The following JMJD1C variants were observed in gnomAD, a reference collection of about 807,000 sequenced individuals.
The protein encoded by JMJD1C is jumonji domain-containing protein 1C.
A neutral mutation model predicts 245.3 loss-of-function variants in JMJD1C; 31 were observed. That is an observed-to-expected ratio of 0.13 (90% CI 0.09 to 0.17). JMJD1C has a LOEUF of 0.17. Among genes scored for constraint, JMJD1C ranks in the 10% least tolerant of loss-of-function variants. The probability of loss-of-function intolerance (pLI) is 1.00; values close to 1 mark genes in which losing one functional copy is unlikely to be tolerated. For missense variants in JMJD1C, 2,691 were observed against 3,000.2 expected, an observed-to-expected ratio of 0.90 and a Z score of 2.41; for synonymous variants, 1,057 against 1,017.4, an observed-to-expected ratio of 1.04 and a Z score of -0.74.
chr10:63,402,118 G>A (rs1174644967), intron 1 of JMJD1C, among the ~76,000 whole-genome samples: 1 of 145,060 alleles, frequency 6.9e-6, no homozygotes. Flanking sequence ...TGGGCAACAA[G>A]AGCAAACTCC....
At chr10:63,468,653 A>G (rs374606657), upstream of JMJD1C, among the ~76,000 whole-genome samples, 8 of 152,304 alleles carry the variant, frequency 5.3e-5, no homozygotes, top group Admixed American at 5.2e-4. Flanking sequence ...TAGACATATA[A>G]ATTAGATTTT....
At chr10:63,500,137 T>C (rs747146467) in intron 1 of JMJD1C, among the ~76,000 whole-genome samples, 3 of 152,178 alleles carry the variant, frequency 2.0e-5, no homozygotes, top group Admixed American at 6.5e-5. Flanking sequence ...TGTTTAACTG[T>C]AAGGCCAGGC....
At position 63,465,946 on chromosome 10, in the gene JMJD1C, C is replaced by A; in HGVS notation, c.-284G>T. ...CGGCCGTCGAAGACCCCGAGGCAGC[C>A]CAGCCGCCGCCACCGCGCCGCGGCC... On this transcript the variant is annotated 5_prime_UTR_variant, in exon 1 of 26. Coordinates refer to ENST00000399262, the MANE Select transcript of JMJD1C (RefSeq NM_032776.3). 2 of 537,882 alleles carry A rather than the reference C, an allele frequency of 3.7e-6. No homozygotes were observed. The allele number at this position is 537,882 out of a possible 1,614,324, so 33.3% of individuals were successfully genotyped here.
chr10:63,489,578 G>C, intron 1 of JMJD1C: 1 of 163,502 alleles, frequency 6.1e-6, no homozygotes, highest in Non-Finnish European at 1.3e-5. Context: ...TCAAGGAAAA[G>C]TACTGCAAGC....
intron 2 of JMJD1C, among the ~76,000 whole-genome samples, chr10:63,341,040 G>A (rs541222484): frequency 6.6e-6 from 1 of 152,294 alleles, no homozygotes; most frequent in African/African-American, 2.4e-5. Flanking sequence ...TAAAAATGAA[G>A]ATTTCAACTG....
At chr10:63,211,252 G>A (rs1847282462) in intron 8 of JMJD1C, among the ~76,000 whole-genome samples, 1 of 152,010 alleles carries the variant, frequency 6.6e-6, no homozygotes. Context: ...ATCACTTGAG[G>A]TCAGGAGTTC....
At chr10:63,486,827 C>G (rs559504700) in intron 1 of JMJD1C, among the ~76,000 whole-genome samples, 11 of 152,308 alleles carry the variant, frequency 7.2e-5, no homozygotes, top group Non-Finnish European at 1.2e-4. Context: ...ATAGCACCAC[C>G]TTCCACACCT....
chr10:63,427,973 C>A (rs1173871674), intron 1 of JMJD1C: 4 of 697,414 alleles, frequency 5.7e-6, no homozygotes, highest in African/African-American at 5.3e-5. Context: ...GCCACCACAG[C>A]ATCCCAGACA....
chr10:63,256,402 A>G (rs7070693), intron 3 of JMJD1C, among the ~76,000 whole-genome samples: 106,878 of 152,062 alleles, frequency 0.7, 39,038 homozygotes, highest in Non-Finnish European at 0.81. Context: ...GGTAGGTAAT[A>G]GAATATTTAA....
intron 1 of JMJD1C, among the ~76,000 whole-genome samples, chr10:63,421,857 G>C (rs1589716951): frequency 6.6e-6 from 1 of 152,202 alleles, no homozygotes; most frequent in Non-Finnish European, 1.5e-5. Context: ...CCCAGGAAGA[G>C]AGCCCACACT....
intron 3 of JMJD1C, among the ~76,000 whole-genome samples, chr10:63,247,136 A>C (rs1564676462): frequency 6.6e-6 from 1 of 151,214 alleles, no homozygotes; most frequent in Non-Finnish European, 1.5e-5. Context: ...AAAAACAAAA[A>C]ACAGAAGAAA....
rs2133215232 is a variant in JMJD1C, at chr10:63,213,829, G to A, written c.2338C>T (p.His780Tyr). The A allele has an allele frequency of 1.2e-6, 2 of 1,613,904 alleles. No homozygotes were observed. The highest frequency in any genetic ancestry group is 1.7e-6 in the Non-Finnish European group (2 of 1,179,820). The change falls in exon 8 of 26, where the codon CAT becomes TAT. Residue 780 changes from histidine (H) to tyrosine (Y), a missense_variant. Physicochemically the swap from His to Tyr is moderately conservative, Grantham distance 83. Transcript: ENST00000399262. ...TGGTGTGGACCACTAGTCAGAGGAT[G>A]AGTGTTAATGGTAGGTAATGGAGTT... The part of the protein sequence containing the change: ...SQTPLPTINT[H>Y]PLTSGPHHAV...
At chr10:63,319,824 G>A (rs1007607869) in intron 2 of JMJD1C, among the ~76,000 whole-genome samples, 4 of 152,122 alleles carry the variant, frequency 2.6e-5, no homozygotes, top group African/African-American at 4.8e-5. Flanking sequence ...GAATGCAGTG[G>A]TGCTATCTTG....
rs77761073 is a variant in JMJD1C at position 63,410,281 on chromosome 10, G to A, written c.169-29799C>T. Reference sequence around the variant, plus strand: ...GCATGGCTTTTGTGTACAGGAAATAGTTGGTGAACTATTCATCCACAGTTC... The same window carrying A: ...GCATGGCTTTTGTGTACAGGAAATAATTGGTGAACTATTCATCCACAGTTC... On this transcript the variant is annotated intron_variant, in intron 1 of 25. Transcript: ENST00000399262. 5.1e-4 allele frequency among the ~76,000 whole-genome samples: 78 copies of A among 152,280 alleles called. No individual in the cohort carries two copies. The East Asian group carries it at 0.015, about 29-fold the overall frequency.
chr10:63,385,416 C>CTTTTTTTTTTTTTTT (rs35450282), intron 1 of JMJD1C, among the ~76,000 whole-genome samples: 4 of 53,760 alleles, frequency 7.4e-5, no homozygotes, highest in Admixed American at 3.7e-4. Flanking sequence ...CTGCCCCCGC[C>CTTTTTTTTTTTTTTT]TTTTTTTTTT....
At chr10:63,227,827 T>C (rs1849489951) in intron 3 of JMJD1C, among the ~76,000 whole-genome samples, 6 of 152,226 alleles carry the variant, frequency 3.9e-5, no homozygotes, top group Admixed American at 3.9e-4. Flanking sequence ...AAACTACAAA[T>C]AGTTGCTTGT....
intron 2 of JMJD1C, among the ~76,000 whole-genome samples, chr10:63,289,083 G>T (rs903985903): frequency 1.3e-5 from 2 of 151,736 alleles, no homozygotes; most frequent in Admixed American, 6.6e-5. Flanking sequence ...TTTTAATATG[G>T]GTTATGGGTC....
Position 63,215,367 on chromosome 10 carries a change from T to C in JMJD1C, c.911A>G (p.Gln304Arg). 6.2e-7 allele frequency: 1 copy of C among 1,614,216 alleles called. No individual in the cohort carries two copies. Among genetic ancestry groups the C allele is most frequent in the Non-Finnish European group, 8.5e-7 (1 of 1,180,018 alleles). The change falls in exon 7 of 26, where the codon CAG becomes CGG. Residue 304 changes from glutamine (Q) to arginine (R), a missense_variant. By Grantham distance (43) the Gln-to-Arg change is conservative. Coordinates refer to ENST00000399262, the MANE Select transcript of JMJD1C (RefSeq NM_032776.3). ...AVPKQNTHQQ[Q>R]QQRSIRPNKR... ...ATTTGGACGGATACTTCTTTGTTGC[T>C]GTTGCTGGTGTGTATTCTGTTTTGG...
chr10:63,205,139 T>G, intron 10 of JMJD1C: 23 of 488,700 alleles, frequency 4.7e-5, no homozygotes, highest in Non-Finnish European at 5.8e-5. Flanking sequence ...TGTCCAGCTG[T>G]TGCCACAAAG....
Sources: allele counts gnomAD v4.1 joint callset (sites outside exome capture counted in the v4.1 genomes callset), GRCh38; gene constraint gnomAD v4.1.1; transcripts MANE v1.5; gene names NCBI Gene and HGNC (gene_info 2026-07-23, HGNC 2026-07-21).